Variants in BEND7 observed in about 807,000 individuals in gnomAD.
The protein encoded by BEND7 is BEN domain-containing protein 7.
A neutral mutation model predicts 50.9 loss-of-function variants in BEND7; 28 were observed. The observed-to-expected ratio is 0.55, with a 90% confidence interval of 0.41 to 0.75. The LOEUF (loss-of-function observed/expected upper bound fraction) is 0.75. Among genes scored for constraint, BEND7 ranks in the 30% least tolerant of loss-of-function variants. The probability of loss-of-function intolerance (pLI) is 0.00; values close to 1 mark genes in which losing one functional copy is unlikely to be tolerated. For synonymous variants in BEND7, 170 were observed against 183.9 expected, an observed-to-expected ratio of 0.92 and a Z score of 0.61; for missense variants, 477 against 491.3, an observed-to-expected ratio of 0.97 and a Z score of 0.28.
At chr10:13,518,686 C>T (rs919340042) in intron 2 of BEND7, among the ~76,000 whole-genome samples, 16 of 152,174 alleles carry the variant, frequency 1.1e-4, no homozygotes, top group Non-Finnish European at 2.2e-4. Flanking sequence ...AGTTGTATCT[C>T]ACAAATCAAC....
At position 13,480,916 on chromosome 10, in the gene BEND7, A is replaced by G; in HGVS notation, c.1046T>C (p.Ile349Thr). 1 of 1,614,146 alleles carries G rather than the reference A, an allele frequency of 6.2e-7. No homozygotes were observed. The highest frequency in any genetic ancestry group is 8.5e-7 in the Non-Finnish European group (1 of 1,180,016). The change falls in exon 6 of 9, where the codon ATT becomes ACT. Residue 349 changes from isoleucine to threonine, a missense_variant. Around this residue, in one of 3 missense-constraint regions of BEND7, gnomAD observed 17 missense variants for 38.6 expected, o/e 0.44. Coordinates refer to ENST00000466271, the MANE Select transcript of BEND7 (RefSeq NM_001369863.1). ...AGACCAACCTTTTATTGCACCCACA[A>G]TATTTTGGTCTAGTCCTTTCCGGTT... is the stretch of plus-strand genomic sequence containing the variant. ...NDNRKGLDQN[I>T]VGAIKVFTEK...
At chr10:13,449,728 A>G (rs1837282757) in intron 7 of BEND7, among the ~76,000 whole-genome samples, 1 of 152,174 alleles carries the variant, frequency 6.6e-6, no homozygotes, top group Non-Finnish European at 1.5e-5. Flanking sequence ...CTCCCTTTGA[A>G]AAAACAGGCC....
chr10:13,500,260 T>A (rs2077345404), intron 2 of BEND7, among the ~76,000 whole-genome samples, 180 bp from the exon 3 acceptor site: 1 of 152,184 alleles, frequency 6.6e-6, no homozygotes, highest in Admixed American at 6.5e-5. Flanking sequence ...AAAAAACCCA[T>A]CCTATTCCTG....
At chr10:13,460,092 G>A (rs1476417334) in intron 6 of BEND7, 1 of 152,500 alleles carries the variant, frequency 6.6e-6, no homozygotes, top group African/African-American at 2.4e-5. Flanking sequence ...AAGGGGTTTA[G>A]CAAGAGCCAG....
At chr10:13,470,337 C>T (rs2074686875) in intron 6 of BEND7, among the ~76,000 whole-genome samples, 1 of 152,230 alleles carries the variant, frequency 6.6e-6, no homozygotes, top group South Asian at 2.1e-4. Flanking sequence ...GGCAACAGTG[C>T]CCACAATGGT....
chr10:13,471,856 C>T (rs1338266512), intron 6 of BEND7, among the ~76,000 whole-genome samples: 1 of 152,264 alleles, frequency 6.6e-6, no homozygotes, highest in South Asian at 2.1e-4. Flanking sequence ...CCATCCCCAT[C>T]ATCGCTATTA....
In BEND7 at chr10:13,441,714, A is replaced by C. The variant is rs1412778062; in HGVS notation, c.*29T>G. 1 of 1,613,522 alleles carries C rather than the reference A, an allele frequency of 6.2e-7. No homozygotes were observed. Among genetic ancestry groups the C allele is most frequent in the Non-Finnish European group, 8.5e-7 (1 of 1,179,806 alleles). ...GATTTTAAAACCCATGGTGCAAAAAACACAAGAGCTGTGGTTTGCAGTCCT... is the reference window on the plus strand; with the variant it reads ...GATTTTAAAACCCATGGTGCAAAAACCACAAGAGCTGTGGTTTGCAGTCCT... On this transcript the variant is annotated 3_prime_UTR_variant, in exon 9 of 9. Coordinates refer to ENST00000466271, the MANE Select transcript of BEND7 (RefSeq NM_001369863.1).
intron 2 of BEND7, among the ~76,000 whole-genome samples, chr10:13,500,316 G>C (rs1379642246): frequency 1.3e-5 from 2 of 152,222 alleles, no homozygotes; most frequent in African/African-American, 4.8e-5. Context: ...TATGATGAAA[G>C]AGGTTTCTTG....
At chr10:13,468,745 T>C (rs935238776) in intron 6 of BEND7, among the ~76,000 whole-genome samples, 1 of 152,146 alleles carries the variant, frequency 6.6e-6, no homozygotes, top group African/African-American at 2.4e-5. Flanking sequence ...AAGGAGTTGA[T>C]AGGGCCAGGT....
downstream of BEND7, chr10:13,439,612 G>T: frequency 2.0e-6 from 2 of 1,015,990 alleles, no homozygotes; most frequent in South Asian, 1.9e-5. Flanking sequence ...ACCCCTCCTG[G>T]TTCGTCAGCC....
intron 7 of BEND7, among the ~76,000 whole-genome samples, chr10:13,452,280 A>T (rs1299430438): frequency 2.0e-5 from 3 of 152,244 alleles, no homozygotes; most frequent in African/African-American, 7.2e-5. Flanking sequence ...TGACAGCATT[A>T]GACCACAAAT....
chr10:13,452,707 G>T, intron 6 of BEND7, 49 bp from the exon 7 acceptor site: 1 of 1,493,156 alleles, frequency 6.7e-7, no homozygotes, highest in Admixed American at 2.1e-5. Context: ...AGTAAAATAT[G>T]CAGATCTGAA....
intron 2 of BEND7, among the ~76,000 whole-genome samples, chr10:13,511,975 C>G (rs908551934): frequency 1.3e-5 from 2 of 152,174 alleles, no homozygotes; most frequent in Non-Finnish European, 2.9e-5. Context: ...GCTGTCACAA[C>G]AAGACGTGGG....
rs557215227 is a variant in BEND7, at chr10:13,447,281, C to T, written c.1219G>A (p.Ala407Thr). 2.5e-5 allele frequency: 41 copies of T among 1,614,128 alleles called. 1 individual carries two copies. The South Asian group carries it at 4.4e-4, about 17-fold the overall frequency. The change falls in exon 8 of 9, where the codon GCT (alanine) becomes ACT (threonine). Residue 407 changes from alanine (A) to threonine (T), a missense_variant. Ala to Thr is a moderately conservative substitution (Grantham distance 58). Around this residue, in one of 3 missense-constraint regions of BEND7, gnomAD observed 64 missense variants for 68.5 expected, o/e 0.93. Transcript: ENST00000466271. ...TTTTATTTACCTGTTGGTGGTAGAG[C>T]AATGCCGTCCAGTCTTTCATCACTG... ...ADSDERLDGI[A>T]LPPTVV
In BEND7 at chr10:13,473,975, G is replaced by C. The variant is rs151063469; in HGVS notation, c.1063+6924C>G. On this transcript the variant is annotated intron_variant, in intron 6 of 8. Transcript: ENST00000466271. ...GCTGTTAGACTCGGGGCCAATACTTGTCATCACAGTTAGACTCAGGGCTGA... is the reference window on the plus strand; with the variant it reads ...GCTGTTAGACTCGGGGCCAATACTTCTCATCACAGTTAGACTCAGGGCTGA... Among the ~76,000 whole-genome samples the C allele has an allele frequency of 7.9e-3, 1,201 of 151,378 alleles. 5 individuals are homozygous for C. The highest frequency in any genetic ancestry group is 0.012 in the Non-Finnish European group (831 of 67,880).
intron 2 of BEND7, among the ~76,000 whole-genome samples, chr10:13,517,727 G>C (rs2078792753): frequency 6.6e-6 from 1 of 152,186 alleles, no homozygotes; most frequent in Non-Finnish European, 1.5e-5. Context: ...CAGGGCAACA[G>C]AGCGAGAGCC....
chr10:13,483,772 G>C (rs1420039058), intron 5 of BEND7, among the ~76,000 whole-genome samples: 1 of 152,146 alleles, frequency 6.6e-6, no homozygotes, highest in African/African-American at 2.4e-5. Context: ...AAACATGAGA[G>C]AGAACAGAGC....
chr10:13,453,883 T>C (rs889914808), intron 6 of BEND7, among the ~76,000 whole-genome samples: 6 of 152,238 alleles, frequency 3.9e-5, no homozygotes, highest in African/African-American at 1.4e-4. Context: ...CTGTTATACC[T>C]TTGGACTGGT....
At chr10:13,477,075 A>G (rs2075500572) in intron 6 of BEND7, among the ~76,000 whole-genome samples, 2 of 152,294 alleles carry the variant, frequency 1.3e-5, no homozygotes, top group Admixed American at 6.5e-5. Context: ...TTTGTTAATA[A>G]TCCCCCAAAC....
Sources: gnomAD v4.1 joint callset for allele counts (sites outside exome capture counted in the v4.1 genomes callset) on GRCh38, gnomAD v4.1.1 for gene constraint, gnomAD v4.1.1 regional missense constraint, MANE v1.5 for transcripts, NCBI Gene and HGNC (gene_info 2026-07-23, HGNC 2026-07-21) for gene names.